CA4: variants seen among roughly 807,000 people sequenced by gnomAD.
CA4 encodes carbonic anhydrase 4.
Under a neutral mutation model 34.5 loss-of-function variants are expected in CA4, and 24 were observed. The observed-to-expected ratio is 0.70, with a 90% CI of 0.50 to 0.98. CA4 has a LOEUF of 0.98. CA4 is among the 50% of genes least tolerant of loss of function. The pLI is 0.00. For missense variants in CA4, 394 were observed against 396.7 expected, an observed-to-expected ratio of 0.99 and a Z score of 0.06; for synonymous variants, 178 against 170.6, an observed-to-expected ratio of 1.04 and a Z score of -0.34.
At chr17:60,177,849 A>C in the CA4 span, among the ~76,000 whole-genome samples, 1 of 152,222 alleles carries the variant, frequency 6.6e-6, no homozygotes, top group Non-Finnish European at 1.5e-5. Flanking sequence ...TCTATGAGGA[A>C]GAAAGGGTAG....
downstream of CA4, among the ~76,000 whole-genome samples, chr17:60,173,857 C>A (rs770506739): frequency 1.3e-5 from 2 of 152,192 alleles, no homozygotes; most frequent in Non-Finnish European, 2.9e-5. Context: ...CTCAGCATAT[C>A]CAACAAGCTG....
downstream of CA4, among the ~76,000 whole-genome samples, chr17:60,162,437 C>T (rs539369117): frequency 6.6e-6 from 1 of 152,012 alleles, no homozygotes; most frequent in Non-Finnish European, 1.5e-5. Context: ...TGAGACAGTT[C>T]CCTCTGAGGG....
chr17:60,154,931 TCTC>T (rs2083651752), intron 1 of CA4, among the ~76,000 whole-genome samples: 1 of 152,114 alleles, frequency 6.6e-6, no homozygotes, highest in Admixed American at 6.6e-5. Context: ...GTCCTCCTCT[TCTC>T]CTCTCACCAG....
At chr17:60,168,902 C>A (rs938997775) in intron 5 of CA4, among the ~76,000 whole-genome samples, 5 of 152,266 alleles carry the variant, frequency 3.3e-5, no homozygotes, top group Middle Eastern at 3.4e-3. Flanking sequence ...CAGCGAGTGA[C>A]CTTTCACTGA....
downstream of CA4, among the ~76,000 whole-genome samples, chr17:60,174,821 T>C (rs2083942559): frequency 1.3e-5 from 2 of 152,150 alleles, no homozygotes; most frequent in Admixed American, 1.3e-4. Flanking sequence ...CCAAACTAGC[T>C]GGGAAAAATG....
chr17:60,168,946 A>G (rs991860026), intron 5 of CA4, among the ~76,000 whole-genome samples: 1 of 152,176 alleles, frequency 6.6e-6, no homozygotes, highest in East Asian at 1.9e-4. Context: ...AAACACAGCC[A>G]GTGTGGAAGC....
chr17:60,168,276 C>A (rs1213925973), intron 5 of CA4, among the ~76,000 whole-genome samples: 1 of 73,630 alleles, frequency 1.4e-5, no homozygotes, highest in African/African-American at 5.4e-5. Flanking sequence ...AGGGTGATTT[C>A]TTTTTTTGGT....
chr17:60,165,886 G>C (rs1426654856), intron 5 of CA4, among the ~76,000 whole-genome samples: 1 of 150,992 alleles, frequency 6.6e-6, no homozygotes, highest in African/African-American at 2.4e-5. Context: ...TTACACCAGA[G>C]CATTATTTGT....
chr17:60,175,617 C>T (rs1462735954), downstream of CA4, among the ~76,000 whole-genome samples: 5 of 137,734 alleles, frequency 3.6e-5, no homozygotes, highest in African/African-American at 1.1e-4. Flanking sequence ...TGCAGTGAGC[C>T]GAGATTGCGC....
At chr17:60,151,440 AG>A (rs1347379036) in intron 1 of CA4, 1 of 152,232 alleles carries the variant, frequency 6.6e-6, no homozygotes, top group East Asian at 1.9e-4. Flanking sequence ...TTTTATTTGT[AG>A]GGTTGGACAT....
intron 5 of CA4, among the ~76,000 whole-genome samples, chr17:60,169,587 C>A (rs2627911): frequency 0.13 from 20,359 of 152,000 alleles, 2,889 homozygotes; most frequent in African/African-American, 0.36. Context: ...CTCCTGGGTT[C>A]AAGTAATTCT....
At chr17:60,175,844 G>C (rs1263280922), downstream of CA4, among the ~76,000 whole-genome samples, 1 of 145,516 alleles carries the variant, frequency 6.9e-6, no homozygotes, top group Non-Finnish European at 1.5e-5. Context: ...TTGAGACGGA[G>C]TTTCGCTCGT....
downstream of CA4, among the ~76,000 whole-genome samples, chr17:60,172,149 T>A (rs573727022): frequency 6.6e-6 from 1 of 152,308 alleles, no homozygotes; most frequent in East Asian, 1.9e-4. Flanking sequence ...CAGAGGATCC[T>A]GCTACAGATA....
chr17:60,160,368 TGCCC>T (rs2083771935), downstream of CA4, among the ~76,000 whole-genome samples: 1 of 152,236 alleles, frequency 6.6e-6, no homozygotes, highest in Non-Finnish European at 1.5e-5. Context: ...CAAAAATGCC[TGCCC>T]TCCTGGAGTT....
chr17:60,167,753 T>C (rs2627910), intron 5 of CA4, among the ~76,000 whole-genome samples: 31,675 of 152,100 alleles, frequency 0.21, 8,122 homozygotes, highest in African/African-American at 0.61. Context: ...GGTGCTTGAT[T>C]CTCAGATTCT....
chr17:60,154,257 G>C (rs1328794764), intron 1 of CA4, among the ~76,000 whole-genome samples: 1 of 151,592 alleles, frequency 6.6e-6, no homozygotes, highest in Non-Finnish European at 1.5e-5. Flanking sequence ...GGGAGGGGTG[G>C]GGGGGAGGGA....
chr17:60,157,575 G>A lies in CA4; in HGVS notation c.414+3G>A. 6.2e-7 allele frequency: 1 copy of A among 1,614,198 alleles called. No individual in the cohort carries two copies. Among genetic ancestry groups the A allele is most frequent in the Non-Finnish European group, 8.5e-7 (1 of 1,180,036 alleles). ...ATGGGGAGCACTTTGCCATGGAGGT[G>A]AGGGCCCCTTCCCGACTGGGACCTT... On this transcript the variant is annotated splice_donor_region_variant and intron_variant, in intron 4 of 7. Transcript: ENST00000300900.
downstream of CA4, among the ~76,000 whole-genome samples, chr17:60,174,060 CTT>C (rs1491330378): frequency 6.6e-6 from 1 of 152,144 alleles, no homozygotes; most frequent in African/African-American, 2.4e-5. Flanking sequence ...GGGAAGAATG[CTT>C]TTGAGTACCT....
chr17:60,158,537 C>T, intron 7 of CA4, 91 bp downstream of exon 7: 1 of 1,336,236 alleles, frequency 7.5e-7, no homozygotes, highest in South Asian at 1.2e-5. Flanking sequence ...CCTCAGGATA[C>T]AGGTGGGGAG....
Sources: gnomAD v4.1 joint callset for allele counts (sites outside exome capture counted in the v4.1 genomes callset) on GRCh38, gnomAD v4.1.1 for gene constraint, MANE v1.5 for transcripts, NCBI Gene and HGNC (gene_info 2026-07-23, HGNC 2026-07-21) for gene names.